The following ACACB variants were observed in gnomAD, a reference collection of about 807,000 sequenced individuals.
ACACB encodes the protein acetyl-CoA carboxylase beta.
In ACACB, 209 loss-of-function variants were observed where a neutral mutation model predicts 278.8. The ratio of observed to expected loss-of-function variants is 0.75; its 90% CI spans 0.67 to 0.84. The LOEUF (loss-of-function observed/expected upper bound fraction) is 0.84, where lower values mean the gene tolerates loss of function less well. ACACB is among the 40% of genes least tolerant of loss of function. ACACB has a pLI of 0.00. For missense variants in ACACB, 2,850 were observed against 3,269.0 expected (o/e 0.87, Z 3.13); for synonymous variants, 1,174 against 1,285.6 (o/e 0.91, Z 1.86).
At chr12:109,148,549 T>G (rs1003748993) in intron 2 of ACACB, among the ~76,000 whole-genome samples, 2 of 152,188 alleles carry the variant, frequency 1.3e-5, no homozygotes, top group African/African-American at 4.8e-5. Context: ...GCAAAACCTG[T>G]CCTGAATTGA....
chr12:109,261,880 CA>C (rs757106164), intron 48 of ACACB, among the ~76,000 whole-genome samples: 288 of 86,046 alleles, frequency 3.3e-3, no homozygotes, highest in East Asian at 0.014. Context: ...AAAAAAAAAA[CA>C]AAAAAAAAAA....
At chr12:109,248,064 G>A (rs1474237911) in intron 40 of ACACB, among the ~76,000 whole-genome samples, 4 of 152,166 alleles carry the variant, frequency 2.6e-5, no homozygotes, top group Admixed American at 6.5e-5. Flanking sequence ...TCTGTTCTTC[G>A]AGAGCATTCA....
intron 15 of ACACB, among the ~76,000 whole-genome samples, chr12:109,193,106 C>G (rs1449248421): frequency 6.6e-6 from 1 of 152,162 alleles, no homozygotes; most frequent in Non-Finnish European, 1.5e-5. Context: ...TCCTGAAAAG[C>G]CTTTGTAAGA....
At chr12:109,237,879 G>A (rs2046675959) in intron 34 of ACACB, among the ~76,000 whole-genome samples, 1 of 151,850 alleles carries the variant, frequency 6.6e-6, no homozygotes, top group Non-Finnish European at 1.5e-5. Context: ...GGGCGTGGTG[G>A]CGTACACCTG....
chr12:109,213,687 C>T (rs1340622116), intron 22 of ACACB, among the ~76,000 whole-genome samples: 6 of 152,028 alleles, frequency 3.9e-5, no homozygotes, highest in African/African-American at 1.2e-4. Context: ...CTCCGCCTCC[C>T]GGGTTCACGC....
intron 2 of ACACB, among the ~76,000 whole-genome samples, chr12:109,147,883 A>C (rs1363326301): frequency 6.6e-6 from 1 of 152,222 alleles, no homozygotes; most frequent in Non-Finnish European, 1.5e-5. Context: ...GGCATTTTAT[A>C]GTTGTTGCTC....
intron 11 of ACACB, among the ~76,000 whole-genome samples, chr12:109,180,365 C>T (rs993485245): frequency 2.6e-5 from 4 of 152,194 alleles, no homozygotes; most frequent in Admixed American, 2.6e-4. Context: ...ATATCCTAAT[C>T]CCTGTCTTGT....
At chr12:109,113,400 T>A (rs2042345753), upstream of ACACB, 1 of 152,252 alleles carries the variant, frequency 6.6e-6, no homozygotes, top group African/African-American at 2.4e-5. Flanking sequence ...ATGATTCCTG[T>A]TTCCTCCCTT....
At chr12:109,231,429 C>T (rs192085619) in intron 28 of ACACB, among the ~76,000 whole-genome samples, 232 of 152,222 alleles carry the variant, frequency 1.5e-3, no homozygotes, top group African/African-American at 5.4e-3. Flanking sequence ...TAAAATGCTG[C>T]ATGGACCAAA....
At chr12:109,144,516 C>A (rs993020280) in intron 2 of ACACB, among the ~76,000 whole-genome samples, 1 of 151,886 alleles carries the variant, frequency 6.6e-6, no homozygotes, top group African/African-American at 2.4e-5. Flanking sequence ...TGGGTGTAGG[C>A]CATGGAAGGT....
chr12:109,217,624 C>T, intron 24 of ACACB, among the ~76,000 whole-genome samples: 1 of 151,978 alleles, frequency 6.6e-6, no homozygotes, highest in South Asian at 2.1e-4. Context: ...CATAGGGAGA[C>T]CCCCATCTCT....
intron 34 of ACACB, among the ~76,000 whole-genome samples, chr12:109,238,135 G>A (rs2046684822): frequency 6.6e-6 from 1 of 151,054 alleles, no homozygotes; most frequent in African/African-American, 2.4e-5. Context: ...TGTCACTGAG[G>A]GGCCAGCTTA....
chr12:109,216,222 T>C (rs1416089706), intron 22 of ACACB, among the ~76,000 whole-genome samples: 9 of 146,264 alleles, frequency 6.2e-5, no homozygotes, highest in African/African-American at 1.5e-4. Flanking sequence ...TCTCTCTCTT[T>C]TTTTTTTTTT....
In ACACB at chr12:109,241,214, C is replaced by T. The variant is rs748877113; in HGVS notation, c.4955C>T (p.Thr1652Ile). ...GCCGTTCCCATCCGCCTGTTCATCA[C>T]CAATGAGTCGGGCTACTACCTGGAC... ...GSAVPIRLFITNESGYYLDIS... is the reference protein window; with the variant it reads ...GSAVPIRLFIINESGYYLDIS... Residue 1652 changes from threonine to isoleucine, a missense_variant, in exon 36 of 53, where the codon ACC becomes ATC. Thr to Ile is a moderately conservative substitution (Grantham distance 89, BLOSUM62 -1). Around this residue, in one of 3 missense-constraint regions of ACACB, gnomAD observed 2,265 missense variants for 2,561.3 expected, o/e 0.88. Coordinates refer to ENST00000338432, the MANE Select transcript of ACACB (RefSeq NM_001093.4). The T allele has an allele frequency of 1.9e-5, 30 of 1,614,202 alleles. No individual in the cohort carries two copies. In the Middle Eastern group the frequency reaches 4.9e-4, roughly 27 times the overall value.
At chr12:109,117,527 G>C (rs534300396) in intron 1 of ACACB, among the ~76,000 whole-genome samples, 156 of 152,202 alleles carry the variant, frequency 1.0e-3, no homozygotes, top group African/African-American at 3.5e-3. Context: ...CCGTGCAAAA[G>C]TCTCCTTGCT....
At chr12:109,223,145 A>G (rs2046223743) in intron 26 of ACACB, among the ~76,000 whole-genome samples, 1 of 152,138 alleles carries the variant, frequency 6.6e-6, no homozygotes, top group Non-Finnish European at 1.5e-5. Flanking sequence ...GTGTGACAGC[A>G]GTGGGGGCTC....
At chr12:109,196,275 T>C (rs1054871019) in intron 16 of ACACB, among the ~76,000 whole-genome samples, 1 of 152,182 alleles carries the variant, frequency 6.6e-6, no homozygotes, top group Admixed American at 6.5e-5. Flanking sequence ...CCCTAGTCCA[T>C]GTCCAGGTGT....
rs778125313 is a variant in ACACB at position 109,166,868 on chromosome 12, A to G, written c.661A>G (p.Met221Val). 5.6e-6 allele frequency: 9 copies of G among 1,613,842 alleles called. No individual in the cohort carries two copies. In the East Asian group the frequency reaches 1.1e-4, roughly 20 times the overall value. The stretch of plus-strand genomic sequence containing the variant: ...CTCATTCTTATTCTGCAGGCCGAGC[A>G]TGTCGGGACTCCACCTGGTGAAGAG... ...ETRVPTMRPSMSGLHLVKRGR... is the reference protein window; with the variant it reads ...ETRVPTMRPSVSGLHLVKRGR... Residue 221 changes from methionine (M) to valine (V), a missense_variant, in exon 3 of 53, where the codon ATG becomes GTG. By Grantham distance (21) the Met-to-Val change is conservative. This residue lies in a region of ACACB where 2,265 missense variants were observed against 2,561.3 expected (regional missense o/e 0.88). Coordinates refer to ENST00000338432, the MANE Select transcript of ACACB (RefSeq NM_001093.4).
intron 40 of ACACB, 33 bp downstream of exon 40, chr12:109,247,736 G>C: frequency 6.4e-7 from 1 of 1,560,128 alleles, no homozygotes; most frequent in Non-Finnish European, 8.8e-7. Flanking sequence ...CCTTAATTTT[G>C]CTCATGGTTA....
Sources: allele counts gnomAD v4.1 joint callset (sites outside exome capture counted in the v4.1 genomes callset), GRCh38; gene constraint gnomAD v4.1.1; regional missense constraint gnomAD v4.1.1; transcripts MANE v1.5; gene names NCBI Gene and HGNC (gene_info 2026-07-23, HGNC 2026-07-21).